MSRB3: variants seen among roughly 807,000 people sequenced by gnomAD.
MSRB3 encodes methionine-R-sulfoxide reductase B3.
A neutral mutation model predicts 21.0 loss-of-function variants in MSRB3; 13 were observed. That is an observed-to-expected ratio of 0.62 (90% CI 0.40 to 0.98). MSRB3 has a LOEUF of 0.98. Ranked by LOEUF, MSRB3 falls within the 50% of genes least tolerant of loss-of-function variation. The pLI, the probability that MSRB3 is intolerant of heterozygous loss-of-function variation, is 0.00. For missense variants in MSRB3, 199 were observed against 230.3 expected (o/e 0.86, Z 0.88); for synonymous variants, 87 against 88.6 (o/e 0.98, Z 0.10).
chr12:65,466,771 T>C lies in MSRB3; in HGVS notation c.*3449T>C, dbSNP rs1452424976. ...TGTTTAGATGGTTAAATATTATTTT[T>C]GCCTTAGATAGCTTTGTAATAATTT... On this transcript the variant is annotated 3_prime_UTR_variant, in exon 7 of 7. Coordinates refer to ENST00000308259, the MANE Select transcript of MSRB3 (RefSeq NM_001031679.3). 1 of 152,262 alleles carries C rather than the reference T, an allele frequency of 6.6e-6. No homozygotes were observed. Among genetic ancestry groups the C allele is most frequent in the African/African-American group, 2.4e-5 (1 of 41,464 alleles). The allele number at this position is 152,262 out of a possible 1,614,324, so 9.4% of individuals were successfully genotyped here.
chr12:65,353,554 C>A (rs1358841167), intron 4 of MSRB3, among the ~76,000 whole-genome samples: 1 of 151,946 alleles, frequency 6.6e-6, no homozygotes, highest in Non-Finnish European at 1.5e-5. Context: ...CAACCCCTGC[C>A]TTTTTTTGTT....
chr12:65,288,170 G>T (rs1173510622), intron 1 of MSRB3, among the ~76,000 whole-genome samples: 1 of 151,814 alleles, frequency 6.6e-6, no homozygotes, highest in Non-Finnish European at 1.5e-5. Context: ...GGGCGTGGTG[G>T]TGTGTGCCTG....
intron 4 of MSRB3, among the ~76,000 whole-genome samples, chr12:65,347,204 T>C (rs1876577928): frequency 6.6e-6 from 1 of 152,216 alleles, no homozygotes; most frequent in South Asian, 2.1e-4. Flanking sequence ...ATATTGATTC[T>C]TCCTACCCAT....
chr12:65,435,638 T>C (rs974406561), intron 5 of MSRB3, among the ~76,000 whole-genome samples: 3 of 151,920 alleles, frequency 2.0e-5, no homozygotes, highest in African/African-American at 7.2e-5. Context: ...ATTCAGGTTA[T>C]ATTTTCTATA....
chr12:65,328,291 C>G (rs531501288), intron 3 of MSRB3, among the ~76,000 whole-genome samples: 1 of 151,582 alleles, frequency 6.6e-6, no homozygotes, highest in Non-Finnish European at 1.5e-5. Context: ...CATTACATAA[C>G]TAGATGGCTT....
At chr12:65,346,067 C>A (rs1876482941) in intron 4 of MSRB3, among the ~76,000 whole-genome samples, 1 of 152,060 alleles carries the variant, frequency 6.6e-6, no homozygotes. Context: ...GTCTTTATAG[C>A]AGCATGTTTT....
chr12:65,400,727 T>C (rs1387517081), intron 5 of MSRB3, among the ~76,000 whole-genome samples: 2 of 152,224 alleles, frequency 1.3e-5, no homozygotes, highest in Non-Finnish European at 1.5e-5. Flanking sequence ...AGATCTTTCC[T>C]GCTTTCTCCT....
rs564349998 is a variant in MSRB3 at position 65,292,257 on chromosome 12, A to T, written c.-52+13392A>T. Among the ~76,000 whole-genome samples the T allele has an allele frequency of 2.6e-5, 4 of 152,254 alleles. No individual in the cohort carries two copies. The East Asian group carries it at 7.7e-4, about 29-fold the overall frequency. ...TTTTCTCTTGGTTTCTGTTATTGTT[A>T]GACACATGATTTTAGGCAAATTAGT... is the stretch of plus-strand genomic sequence containing the variant. On this transcript the variant is annotated intron_variant, in intron 1 of 6. Coordinates refer to ENST00000308259, the MANE Select transcript of MSRB3 (RefSeq NM_001031679.3).
intron 5 of MSRB3, among the ~76,000 whole-genome samples, chr12:65,397,000 T>G (rs1879854483): frequency 1.3e-5 from 2 of 152,214 alleles, no homozygotes; most frequent in Non-Finnish European, 2.9e-5. Flanking sequence ...TCTGTTTCTC[T>G]TTGAAGTTCT....
chr12:65,287,584 T>A (rs1872443665), intron 1 of MSRB3, among the ~76,000 whole-genome samples: 1 of 152,168 alleles, frequency 6.6e-6, no homozygotes, highest in Admixed American at 6.5e-5. Flanking sequence ...CCTGTAACAG[T>A]CCAGATTAGA....
chr12:65,308,313 A>G (rs940143075), intron 1 of MSRB3, among the ~76,000 whole-genome samples: 1 of 152,156 alleles, frequency 6.6e-6, no homozygotes, highest in Non-Finnish European at 1.5e-5. Context: ...CACAGATTGC[A>G]CTGCTATCAT....
rs1026203541 is a variant in MSRB3 at position 65,463,596 on chromosome 12, C to G, written c.*274C>G. 2 of 417,040 alleles carry G rather than the reference C, an allele frequency of 4.8e-6. No individual in the cohort carries two copies. Among genetic ancestry groups the G allele is most frequent in the African/African-American group, 4.1e-5 (2 of 49,194 alleles). 25.8% of individuals were successfully genotyped at this position (417,040 alleles called of 1,614,324 possible). ...ACCCTTTGGCATTCTTTTCTTTGAG[C>G]ACATGGCTTCTTTTGCAGTTTTTCC... On this transcript the variant is annotated 3_prime_UTR_variant, in exon 7 of 7. Transcript: ENST00000308259.
chr12:65,286,480 T>G (rs1872355958), intron 1 of MSRB3: 1 of 152,178 alleles, frequency 6.6e-6, no homozygotes, highest in Admixed American at 6.5e-5. Context: ...ATATGAGCAT[T>G]GTTGTTGGGA....
intron 4 of MSRB3, among the ~76,000 whole-genome samples, chr12:65,353,076 T>C (rs1203514029): frequency 6.6e-6 from 1 of 152,298 alleles, no homozygotes; most frequent in Non-Finnish European, 1.5e-5. Context: ...TTGATCGCAC[T>C]GTGTTCTGAG....
intron 5 of MSRB3, among the ~76,000 whole-genome samples, chr12:65,408,984 C>G (rs898703871): frequency 3.3e-5 from 5 of 152,168 alleles, no homozygotes; most frequent in African/African-American, 1.2e-4. Context: ...ACTGTGACAA[C>G]CTGGTAGGGC....
intron 1 of MSRB3, among the ~76,000 whole-genome samples, chr12:65,296,723 A>C (rs1033863502): frequency 3.8e-4 from 58 of 152,210 alleles, no homozygotes; most frequent in African/African-American, 1.4e-3. Flanking sequence ...AGTGATACTA[A>C]AACATTTATT....
intron 5 of MSRB3, among the ~76,000 whole-genome samples, chr12:65,421,952 C>T (rs1881319219): frequency 6.6e-6 from 1 of 152,076 alleles, no homozygotes; most frequent in Non-Finnish European, 1.5e-5. Flanking sequence ...GATAAAGAAA[C>T]AAGACTCAAT....
intron 4 of MSRB3, among the ~76,000 whole-genome samples, chr12:65,359,368 C>A (rs557446621): frequency 1.3e-5 from 2 of 152,092 alleles, no homozygotes; most frequent in South Asian, 4.1e-4. Context: ...AGCCCGCTAG[C>A]CATAACTTCT....
chr12:65,287,720 C>A (rs1408378867), intron 1 of MSRB3, among the ~76,000 whole-genome samples: 1 of 152,098 alleles, frequency 6.6e-6, no homozygotes, highest in Non-Finnish European at 1.5e-5. Context: ...AATATGCCTT[C>A]TAGTCAGATC....
Sources: allele counts gnomAD v4.1 joint callset (sites outside exome capture counted in the v4.1 genomes callset), GRCh38; gene constraint gnomAD v4.1.1; transcripts MANE v1.5; gene names NCBI Gene and HGNC (gene_info 2026-07-23, HGNC 2026-07-21).